Variants in C8orf89 observed in about 807,000 individuals in gnomAD.
The protein encoded by C8orf89 is chromosome 8 open reading frame 89, also known as putative uncharacterized protein C8orf89.
Under a neutral mutation model 15.8 loss-of-function variants are expected in C8orf89, and 14 were observed. The observed-to-expected ratio is 0.89, with a 90% CI of 0.59 to 1.39. C8orf89 has a LOEUF of 1.39. Among genes scored for constraint, C8orf89 ranks in the 40% most tolerant of loss-of-function variants. C8orf89 has a pLI of 0.00. For missense variants in C8orf89, 181 were observed against 184.5 expected (o/e 0.98, Z 0.11); for synonymous variants, 55 against 62.2 (o/e 0.88, Z 0.54).
the C8orf89 span, among the ~76,000 whole-genome samples, chr8:73,270,869 A>G: frequency 2.6e-5 from 4 of 152,250 alleles, no homozygotes; most frequent in Non-Finnish European, 5.9e-5. Context: ...AAAATCTGAA[A>G]GCAATTAATT....
the C8orf89 span, among the ~76,000 whole-genome samples, chr8:73,268,646 T>A: frequency 6.6e-6 from 1 of 152,236 alleles, no homozygotes; most frequent in Non-Finnish European, 1.5e-5. Context: ...GATGTCATAA[T>A]GGTTTGTGTT....
At chr8:73,247,740 C>T (rs753340295) in intron 3 of C8orf89, among the ~76,000 whole-genome samples, 1 of 151,948 alleles carries the variant, frequency 6.6e-6, no homozygotes. Context: ...GCATGTATGT[C>T]TTCTTTTGAA....
intron 3 of C8orf89, among the ~76,000 whole-genome samples, chr8:73,242,387 T>G (rs1366665461): frequency 2.0e-5 from 3 of 152,106 alleles, no homozygotes; most frequent in Admixed American, 6.6e-5. Flanking sequence ...GGTGAGCAGA[T>G]CCCTTGAGCT....
chr8:73,264,188 C>A (rs1813579619), upstream of C8orf89, among the ~76,000 whole-genome samples: 1 of 152,016 alleles, frequency 6.6e-6, no homozygotes, highest in Admixed American at 6.6e-5. Context: ...ATGCAAAAAA[C>A]ATGGTACTAA....
At chr8:73,253,543 C>T (rs573009876) in intron 2 of C8orf89, among the ~76,000 whole-genome samples, 1,668 of 151,390 alleles carry the variant, frequency 0.011, 16 homozygotes, top group Admixed American at 0.017. Context: ...GCCATTTTCA[C>T]GATATTGATT....
upstream of C8orf89, among the ~76,000 whole-genome samples, chr8:73,262,945 C>G (rs1421027747): frequency 2.0e-5 from 3 of 152,074 alleles, no homozygotes; most frequent in African/African-American, 7.2e-5. Flanking sequence ...AACACGGTCT[C>G]TACCTAATTC....
At chr8:73,282,044 C>G in the C8orf89 span, among the ~76,000 whole-genome samples, 45,332 of 152,102 alleles carry the variant, frequency 0.3, 6,957 homozygotes, top group South Asian at 0.45. Context: ...AATAACTTTT[C>G]TATGTTAAAT....
upstream of C8orf89, among the ~76,000 whole-genome samples, chr8:73,260,674 A>AT (rs900368537): frequency 2.6e-5 from 4 of 152,200 alleles, no homozygotes; most frequent in African/African-American, 9.6e-5. Context: ...TTCTGGAGGA[A>AT]GCCAGCAAAG....
At chr8:73,277,497 G>A in the C8orf89 span, 10 of 819,810 alleles carry the variant, frequency 1.2e-5, no homozygotes, top group Middle Eastern at 2.3e-4. Context: ...ATGCCACCAC[G>A]AAAACTTCCC....
the C8orf89 span, among the ~76,000 whole-genome samples, chr8:73,268,289 C>A: frequency 6.6e-6 from 1 of 151,910 alleles, no homozygotes; most frequent in Non-Finnish European, 1.5e-5. Context: ...ACCAGCCTGG[C>A]CAACATGGTG....
the C8orf89 span, among the ~76,000 whole-genome samples, chr8:73,273,099 G>A: frequency 6.6e-6 from 1 of 152,220 alleles, no homozygotes; most frequent in Non-Finnish European, 1.5e-5. Flanking sequence ...GGCCTGGAGT[G>A]GTCATTGCCA....
chr8:73,278,458 C>T, the C8orf89 span, among the ~76,000 whole-genome samples: 29,951 of 152,138 alleles, frequency 0.2, 3,025 homozygotes, highest in Middle Eastern at 0.23. Flanking sequence ...GACGCCCGGG[C>T]GCTGAGGGGC....
At chr8:73,257,209 C>T in intron 1 of C8orf89, 83 bp from the exon 2 acceptor site, 8 of 834,766 alleles carry the variant, frequency 9.6e-6, no homozygotes, top group South Asian at 2.4e-5. Context: ...ATAAAATACA[C>T]AAAATCAGCT....
intron 1 of C8orf89, among the ~76,000 whole-genome samples, chr8:73,257,796 T>A (rs557262755): frequency 6.6e-6 from 1 of 152,308 alleles, no homozygotes; most frequent in South Asian, 2.1e-4. Flanking sequence ...ACATAGAGAA[T>A]TTTTTTGAAA....
chr8:73,277,652 T>C, the C8orf89 span: 2 of 757,800 alleles, frequency 2.6e-6, no homozygotes, highest in Admixed American at 3.5e-5. Flanking sequence ...TCCAGGAAGG[T>C]TTCTCTTTTA....
intron 3 of C8orf89, 112 bp from the exon 4 acceptor site, chr8:73,241,717 C>T: frequency 2.3e-6 from 2 of 862,276 alleles, no homozygotes; most frequent in South Asian, 6.0e-5. Context: ...CTATTACACA[C>T]TACTAGTTCT....
intron 3 of C8orf89, among the ~76,000 whole-genome samples, chr8:73,244,130 T>A (rs1813069878): frequency 6.6e-6 from 1 of 152,146 alleles, no homozygotes; most frequent in African/African-American, 2.4e-5. Context: ...AAATGCTAAG[T>A]GAAGTAAAAT....
chr8:73,281,322 GAATGAA>G, the C8orf89 span, among the ~76,000 whole-genome samples: 1 of 152,070 alleles, frequency 6.6e-6, no homozygotes, highest in African/African-American at 2.4e-5. Flanking sequence ...ATAGAAAAGA[GAATGAA>G]AATAACTCAA....
chr8:73,241,531 C>T lies in C8orf89; in HGVS notation c.412G>A (p.Glu138Lys). ...LERLSKIAIL[E>K]YDTIRQETTT... Reference sequence around the variant, plus strand: ...GTTTCCTGACGAATGGTATCATATTCCAATATGGCTATTTTGGAAAGTCTC... The same window carrying T: ...GTTTCCTGACGAATGGTATCATATTTCAATATGGCTATTTTGGAAAGTCTC... The change falls in exon 4 of 4, where the codon GAA becomes AAA. Residue 138 changes from glutamate (E) to lysine (K), a missense_variant. Glu to Lys is a moderately conservative substitution (Grantham distance 56). Transcript: ENST00000624510. 6.5e-7 allele frequency: 1 copy of T among 1,532,488 alleles called. No individual in the cohort carries two copies. The highest frequency in any genetic ancestry group is 2.4e-5 in the East Asian group (1 of 40,862). The allele number at this position is 1,532,488 out of a possible 1,614,324, so 94.9% of individuals were successfully genotyped here. A position where few individuals can be genotyped will look rare whatever the true frequency, so the allele number is the denominator to read the frequency against.
Sources: allele counts gnomAD v4.1 joint callset (sites outside exome capture counted in the v4.1 genomes callset), GRCh38; gene constraint gnomAD v4.1.1; transcripts MANE v1.5; gene names NCBI Gene and HGNC (gene_info 2026-07-23, HGNC 2026-07-21).